Variants in TTC3 observed in about 807,000 individuals in gnomAD.
TTC3 encodes E3 ubiquitin-protein ligase TTC3.
A neutral mutation model predicts 249.6 loss-of-function variants in TTC3; 180 were observed. The observed-to-expected ratio is 0.72, with a 90% CI of 0.64 to 0.82. The LOEUF is 0.82. TTC3 is among the 40% of genes least tolerant of loss of function. The pLI is 0.00. For synonymous variants in TTC3, 717 were observed against 805.0 expected (o/e 0.89, Z 1.85); for missense variants, 2,061 against 2,398.4 (o/e 0.86, Z 2.94).
intron 10 of TTC3, among the ~76,000 whole-genome samples, chr21:37,103,757 G>A (rs1338578110): frequency 5.9e-5 from 9 of 152,184 alleles, no homozygotes; most frequent in Admixed American, 5.9e-4. Flanking sequence ...CATTGTGAGG[G>A]CCTTGTAGTG....
exon 23 of TTC3, chr21:37,148,558 A>G (rs1334544315): frequency 1.3e-6 from 2 of 1,590,390 alleles, no homozygotes; most frequent in Non-Finnish European, 1.7e-6. Context: ...TTTTATACGC[A>G]TCAGCTGTTG....
At chr21:37,081,109 C>CT (rs58809719) in intron 1 of TTC3, among the ~76,000 whole-genome samples, 2,216 of 58,196 alleles carry the variant, frequency 0.038, 501 homozygotes, top group Non-Finnish European at 0.05. Flanking sequence ...TTATTTATGC[C>CT]TTTTTTTTTT....
intron 16 of TTC3, among the ~76,000 whole-genome samples, chr21:37,132,419 TCTC>T (rs1441934015): frequency 6.6e-6 from 1 of 151,634 alleles, no homozygotes; most frequent in Non-Finnish European, 1.5e-5. Context: ...CTCAAGCAAT[TCTC>T]CTGCCTCAGC....
At position 37,188,565 on chromosome 21, in the gene TTC3, C is replaced by T. The variant is rs148719957; in HGVS notation, c.4994C>T (p.Ala1665Val). 8.1e-6 allele frequency: 13 copies of T among 1,613,926 alleles called. 2 individuals carry two copies. In the South Asian group the frequency reaches 1.3e-4, roughly 16 times the overall value. ...CAGATCATGGAGTCACAAGCAGAAG[C>T]CTTTCTGAAGAAGCTGGGGCTGATT... The change falls in exon 39 of 46, where the codon GCC (alanine) becomes GTC (valine). Residue 1665 changes from alanine to valine, a missense_variant. Transcript: ENST00000355666.
exon 33 of TTC3, chr21:37,166,123 G>A: frequency 6.2e-7 from 1 of 1,614,192 alleles, no homozygotes; most frequent in South Asian, 1.1e-5. Context: ...TTGAGGATGT[G>A]AAACCAACTT....
intron 17 of TTC3, 26 bp downstream of exon 17, chr21:37,132,792 A>G (rs1173023380): frequency 6.4e-7 from 1 of 1,556,162 alleles, no homozygotes; most frequent in Non-Finnish European, 8.7e-7. Context: ...TTCCAATGGA[A>G]AAAGCAAAAC....
At chr21:37,151,464 A>G (rs1286325635) in intron 25 of TTC3, among the ~76,000 whole-genome samples, 1 of 152,128 alleles carries the variant, frequency 6.6e-6, no homozygotes, top group African/African-American at 2.4e-5. Context: ...GATGAACAGA[A>G]TTATTTGTTG....
intron 17 of TTC3, among the ~76,000 whole-genome samples, chr21:37,134,548 T>A (rs921133494): frequency 1.5e-4 from 23 of 152,134 alleles, no homozygotes; most frequent in African/African-American, 5.6e-4. Context: ...TCTTCATTGT[T>A]AGGAATGGTG....
Position 37,200,341 on chromosome 21 carries a change from G to GT in TTC3, c.5943+17_5943+18insT. ...CACAAAGGGGTAAGAGCTCTTTTTG[G>GT]CCATCCTTACAGCATGCATTGGGAC... On this transcript the variant is annotated intron_variant, in intron 45 of 45. Coordinates refer to ENST00000355666, the Ensembl canonical transcript of TTC3. 1 of 1,612,648 alleles carries GT rather than the reference G, an allele frequency of 6.2e-7. No individual in the cohort carries two copies. The highest frequency in any genetic ancestry group is 1.1e-5 in the South Asian group (1 of 90,834).
intron 33 of TTC3, among the ~76,000 whole-genome samples, chr21:37,166,978 C>T (rs2081306940): frequency 6.6e-6 from 1 of 152,100 alleles, no homozygotes; most frequent in Non-Finnish European, 1.5e-5. Flanking sequence ...GCCTGCATCA[C>T]AGTGCCTTAC....
At chr21:37,144,396 T>G (rs1424836307) in intron 20 of TTC3, 129 bp from the exon 21 acceptor site, 1 of 1,109,160 alleles carries the variant, frequency 9.0e-7, no homozygotes, top group Admixed American at 2.9e-5. Context: ...TTAGGTTACA[T>G]TGAATATTGC....
intron 1 of TTC3, among the ~76,000 whole-genome samples, chr21:37,077,416 G>A (rs775743020): frequency 6.6e-6 from 1 of 152,146 alleles, no homozygotes; most frequent in Non-Finnish European, 1.5e-5. Context: ...ACTATAGTAA[G>A]CTGTTTGCTA....
At chr21:37,094,114 A>G in intron 8 of TTC3, 24 bp downstream of exon 8, 1 of 1,414,474 alleles carries the variant, frequency 7.1e-7, no homozygotes, top group Non-Finnish European at 9.6e-7. Context: ...TTATAAATAT[A>G]TTTTAAGATT....
chr21:37,114,029 A>T (rs60671546), intron 11 of TTC3, among the ~76,000 whole-genome samples: 2,289 of 152,342 alleles, frequency 0.015, 42 homozygotes, highest in African/African-American at 0.044. Context: ...CCTTATACAA[A>T]AATTAATTCA....
intron 23 of TTC3, among the ~76,000 whole-genome samples, chr21:37,149,767 A>G (rs776880826): frequency 2.9e-4 from 44 of 152,322 alleles, no homozygotes; most frequent in Non-Finnish European, 5.1e-4. Context: ...TTCCTGTGTC[A>G]GAGGAAAAAG....
intron 15 of TTC3, among the ~76,000 whole-genome samples, chr21:37,128,020 T>C (rs1237480175): frequency 6.6e-6 from 1 of 152,210 alleles, no homozygotes; most frequent in African/African-American, 2.4e-5. Context: ...CCCTTCAGCA[T>C]TTACATACAG....
At chr21:37,128,342 CA>C (rs2077197904) in intron 15 of TTC3, among the ~76,000 whole-genome samples, 1 of 152,234 alleles carries the variant, frequency 6.6e-6, no homozygotes, top group Admixed American at 6.5e-5. Context: ...TCTGGGCTCA[CA>C]GAGCTGGATC....
intron 41 of TTC3, 114 bp from the exon 42 acceptor site, chr21:37,195,561 G>T: frequency 7.1e-7 from 1 of 1,407,934 alleles, no homozygotes; most frequent in East Asian, 2.3e-5. Flanking sequence ...CAGGTTTCCT[G>T]TGCACGGAGC....
At chr21:37,191,543 G>A in intron 40 of TTC3, 119 bp downstream of exon 40, 2 of 594,824 alleles carry the variant, frequency 3.4e-6, no homozygotes, top group Middle Eastern at 4.9e-4. Context: ...AATTTTTTTT[G>A]TTGAAAGTAT....
Sources: allele counts gnomAD v4.1 joint callset (sites outside exome capture counted in the v4.1 genomes callset), GRCh38; gene constraint gnomAD v4.1.1; transcripts MANE v1.5; gene names NCBI Gene and HGNC (gene_info 2026-07-23, HGNC 2026-07-21).